The following CTNNA3 variants were observed in gnomAD, a reference collection of about 807,000 sequenced individuals.
CTNNA3 encodes catenin alpha 3, also known as catenin alpha-3.
A neutral mutation model predicts 95.7 loss-of-function variants in CTNNA3; 76 were observed. The observed-to-expected ratio is 0.79, with a 90% CI of 0.66 to 0.96. The LOEUF (loss-of-function observed/expected upper bound fraction) is 0.96. Ranked by LOEUF, CTNNA3 falls within the 40% of genes least tolerant of loss-of-function variation. The probability of loss-of-function intolerance (pLI) is 0.00; values close to 1 mark genes in which losing one functional copy is unlikely to be tolerated. For missense variants in CTNNA3, 1,191 were observed against 1,089.8 expected (o/e 1.09, Z -1.31); for synonymous variants, 431 against 374.4 (o/e 1.15, Z -1.74).
intron 10 of CTNNA3, among the ~76,000 whole-genome samples, chr10:66,602,437 C>T (rs1371117731): frequency 1.3e-5 from 2 of 151,530 alleles, no homozygotes; most frequent in Non-Finnish European, 2.9e-5. Flanking sequence ...CCTACAAGTC[C>T]AGGATATCTT....
At chr10:66,139,332 C>T (rs545807810) in intron 13 of CTNNA3, among the ~76,000 whole-genome samples, 5 of 152,268 alleles carry the variant, frequency 3.3e-5, no homozygotes, top group South Asian at 2.1e-4. Context: ...AAGATTACCC[C>T]TGATGCCATT....
At chr10:67,446,851 A>T (rs1018776294) in intron 5 of CTNNA3, among the ~76,000 whole-genome samples, 18 of 152,156 alleles carry the variant, frequency 1.2e-4, no homozygotes, top group African/African-American at 4.3e-4. Flanking sequence ...CACGGCTGTA[A>T]TCCCAGCACT....
intron 16 of CTNNA3, among the ~76,000 whole-genome samples, chr10:65,972,876 T>C (rs1185685525): frequency 7.1e-6 from 1 of 140,942 alleles, no homozygotes; most frequent in African/African-American, 2.6e-5. Context: ...CCAAGAAATA[T>C]CTTGAATAGA....
chr10:67,601,301 T>C (rs1843076255), intron 3 of CTNNA3, among the ~76,000 whole-genome samples: 1 of 152,058 alleles, frequency 6.6e-6, no homozygotes, highest in African/African-American at 2.4e-5. Context: ...ATGGGGATGG[T>C]TTCAGGATGA....
At chr10:66,971,021 G>A (rs1306571702) in intron 7 of CTNNA3, among the ~76,000 whole-genome samples, 1 of 152,000 alleles carries the variant, frequency 6.6e-6, no homozygotes, top group African/African-American at 2.4e-5. Context: ...GCCTTTCTAT[G>A]AGTATTTGCA....
At chr10:66,859,327 C>A (rs1843810555) in intron 7 of CTNNA3, among the ~76,000 whole-genome samples, 1 of 151,350 alleles carries the variant, frequency 6.6e-6, no homozygotes, top group South Asian at 2.1e-4. Flanking sequence ...AAGAAAAAAA[C>A]AAACAACCCC....
chr10:66,673,167 C>A (rs146595405), intron 9 of CTNNA3, among the ~76,000 whole-genome samples: 193 of 152,128 alleles, frequency 1.3e-3, no homozygotes, highest in Non-Finnish European at 1.6e-3. Context: ...CAGCTGATAA[C>A]AAATAGCATG....
At chr10:66,597,913 G>T (rs1281988827) in intron 10 of CTNNA3, among the ~76,000 whole-genome samples, 1 of 151,898 alleles carries the variant, frequency 6.6e-6, no homozygotes, top group Non-Finnish European at 1.5e-5. Flanking sequence ...AGGTTAATTA[G>T]CAACATTAAA....
chr10:66,461,872 G>T (rs1326534898), intron 11 of CTNNA3, among the ~76,000 whole-genome samples: 1 of 149,836 alleles, frequency 6.7e-6, no homozygotes, highest in Non-Finnish European at 1.5e-5. Flanking sequence ...GAGTACAGTG[G>T]TGTGATCTTG....
intron 1 of CTNNA3, among the ~76,000 whole-genome samples, chr10:67,745,498 G>A (rs1000010451): frequency 1.9e-4 from 28 of 143,802 alleles, no homozygotes; most frequent in African/African-American, 7.0e-4. Context: ...ATCACACACC[G>A]GGGACTGTTG....
At chr10:67,088,862 A>G (rs1344477780) in intron 7 of CTNNA3, among the ~76,000 whole-genome samples, 1 of 152,078 alleles carries the variant, frequency 6.6e-6, no homozygotes, top group Non-Finnish European at 1.5e-5. Context: ...CCATATCCAT[A>G]GGTTCTACAT....
Position 67,155,542 on chromosome 10 carries a change from TGTGTGTG to T in CTNNA3, c.1047+24768_1047+24774del, listed in dbSNP as rs1364674867. On this transcript the variant is annotated intron_variant, in intron 7 of 17. Coordinates refer to ENST00000433211, the MANE Select transcript of CTNNA3 (RefSeq NM_013266.4). ...TTGTATTAATATATGTGTGTGTGTG[TGTGTGTG>T]TTGTACATTCATTCTTCTTTTAGTT... Among the ~76,000 whole-genome samples, 9 of 152,098 alleles carry T rather than the reference TGTGTGTG, an allele frequency of 5.9e-5. No homozygotes were observed. In the South Asian group the frequency reaches 8.3e-4, roughly 14 times the overall value.
In CTNNA3 at chr10:67,209,203, C is replaced by T. The variant is rs139390605; in HGVS notation, c.843+10404G>A. Among the ~76,000 whole-genome samples, 6 of 152,168 alleles carry T rather than the reference C, an allele frequency of 3.9e-5. No individual in the cohort carries two copies. In the East Asian group the frequency reaches 1.2e-3, roughly 30 times the overall value. On this transcript the variant is annotated intron_variant, in intron 6 of 17. Transcript: ENST00000433211. ...AGCTGGTTTTACAGGCACACGCCAC[C>T]GTGTCCAGCTAATTTTTGTATTTTT...
intron 11 of CTNNA3, among the ~76,000 whole-genome samples, chr10:66,426,621 T>G (rs893513515): frequency 1.3e-5 from 2 of 152,008 alleles, no homozygotes; most frequent in Admixed American, 6.6e-5. Flanking sequence ...TTTTTTTTCC[T>G]ATGCAAGCAA....
At position 66,636,133 on chromosome 10, in the gene CTNNA3, C is replaced by T. The variant is rs572939057; in HGVS notation, c.1282-14349G>A. Among the ~76,000 whole-genome samples the T allele has an allele frequency of 1.6e-3, 250 of 151,922 alleles. 1 individual carries two copies. The highest frequency in any genetic ancestry group is 5.9e-3 in the African/African-American group (244 of 41,454). On this transcript the variant is annotated intron_variant, in intron 9 of 17. Coordinates refer to ENST00000433211, the MANE Select transcript of CTNNA3 (RefSeq NM_013266.4). ...GTACTATTATTAAATACTATGATTT[C>T]ATATCCCCTCATTCTTGGGTCCCTG...
intron 12 of CTNNA3, among the ~76,000 whole-genome samples, chr10:66,372,086 T>C (rs545531513): frequency 3.3e-5 from 5 of 152,290 alleles, no homozygotes; most frequent in African/African-American, 1.2e-4. Context: ...TGTGTTCCTA[T>C]ATGAAGTGTC....
chr10:66,923,045 T>A (rs2132607150), intron 7 of CTNNA3, among the ~76,000 whole-genome samples: 1 of 152,290 alleles, frequency 6.6e-6, no homozygotes, highest in Middle Eastern at 3.4e-3. Context: ...CAATACTAGG[T>A]CTTATTTACT....
chr10:67,198,151 T>C (rs1863461666), intron 6 of CTNNA3, among the ~76,000 whole-genome samples: 2 of 152,186 alleles, frequency 1.3e-5, no homozygotes, highest in South Asian at 2.1e-4. Flanking sequence ...GTGGCTACTA[T>C]ATTGAACAGC....
At chr10:65,992,963 CTTGT>C (rs1170681671) in intron 15 of CTNNA3, among the ~76,000 whole-genome samples, 2 of 151,938 alleles carry the variant, frequency 1.3e-5, no homozygotes, top group African/African-American at 4.8e-5. Context: ...TTTTCAGAAA[CTTGT>C]TTGATTTCCT....
Sources: gnomAD v4.1 joint callset for allele counts (sites outside exome capture counted in the v4.1 genomes callset) on GRCh38, gnomAD v4.1.1 for gene constraint, MANE v1.5 for transcripts, NCBI Gene and HGNC (gene_info 2026-07-23, HGNC 2026-07-21) for gene names.